The following APBB2 variants were observed in gnomAD, a reference collection of about 807,000 sequenced individuals.
The protein encoded by APBB2 is Fe65-like 1.
A neutral mutation model predicts 82.5 loss-of-function variants in APBB2; 38 were observed. The ratio of observed to expected loss-of-function variants is 0.46; its 90% CI spans 0.36 to 0.60. The LOEUF (loss-of-function observed/expected upper bound fraction) is 0.60. Among genes scored for constraint, APBB2 ranks in the 20% least tolerant of loss-of-function variants. The pLI, the probability that APBB2 is intolerant of heterozygous loss-of-function variation, is 0.00. For missense variants in APBB2, 772 were observed against 972.3 expected (o/e 0.79, Z 2.74); for synonymous variants, 341 against 368.2 (o/e 0.93, Z 0.85).
intron 10 of APBB2, among the ~76,000 whole-genome samples, chr4:40,911,414 G>T (rs1026235549): frequency 6.6e-6 from 1 of 152,168 alleles, no homozygotes; most frequent in Non-Finnish European, 1.5e-5. Flanking sequence ...CATACAATGT[G>T]TCAACCTTTA....
At chr4:40,935,192 G>GA in intron 7 of APBB2, 53 bp from the exon 8 acceptor site, 7 of 1,005,732 alleles carry the variant, frequency 7.0e-6, no homozygotes, top group Admixed American at 3.9e-5. Context: ...TAAAGAAAAA[G>GA]AAAAGAAAAG....
intron 2 of APBB2, among the ~76,000 whole-genome samples, chr4:41,136,362 T>G (rs1286132890): frequency 1.3e-5 from 2 of 152,224 alleles, no homozygotes; most frequent in East Asian, 3.8e-4. Flanking sequence ...GTTAAAAGTT[T>G]CATAACACCT....
At chr4:41,206,043 C>T (rs1209089904) in intron 1 of APBB2, among the ~76,000 whole-genome samples, 1 of 152,140 alleles carries the variant, frequency 6.6e-6, no homozygotes, top group Non-Finnish European at 1.5e-5. Context: ...TATCCCTCCA[C>T]AGTCACCATG....
At chr4:41,035,626 G>C (rs1448877538) in intron 4 of APBB2, among the ~76,000 whole-genome samples, 2 of 150,224 alleles carry the variant, frequency 1.3e-5, no homozygotes, top group Non-Finnish European at 1.5e-5. Flanking sequence ...ATACTAGTGT[G>C]AGCATTCTGA....
intron 3 of APBB2, among the ~76,000 whole-genome samples, chr4:41,079,662 C>T (rs1468461682): frequency 1.3e-5 from 2 of 151,886 alleles, no homozygotes; most frequent in East Asian, 3.9e-4. Context: ...GATTCTCCTG[C>T]CCCACCCTCC....
intron 12 of APBB2, among the ~76,000 whole-genome samples, chr4:40,884,637 C>T (rs1004902083): frequency 6.6e-6 from 1 of 152,220 alleles, no homozygotes; most frequent in Admixed American, 6.5e-5. Flanking sequence ...AAAAAAACAC[C>T]TGTAGTCCCA....
Position 41,014,131 on chromosome 4 carries a change from T to G in APBB2, c.287A>C (p.Asn96Thr). Reference protein sequence around the residue: ...AQPLLGNGSANIKLVKNGENQ... With the variant: ...AQPLLGNGSATIKLVKNGENQ... ...CTCCCCATTTTTCACCAGCTTGATG[T>G]TGGCAGAGCCATTTCCCAGCAGGGG... The change falls in exon 6 of 18, where the codon AAC becomes ACC. Residue 96 changes from asparagine (N) to threonine (T), a missense_variant. Coordinates refer to ENST00000508593, the MANE Select transcript of APBB2 (RefSeq NM_004307.2). 3.7e-6 allele frequency: 6 copies of G among 1,614,228 alleles called. No homozygotes were observed. Among genetic ancestry groups the G allele is most frequent in the Non-Finnish European group, 3.4e-6 (4 of 1,180,034 alleles).
At position 40,922,456 on chromosome 4, in the gene APBB2, T is replaced by C. The variant is rs148295801; in HGVS notation, c.1254+12000A>G. On this transcript the variant is annotated intron_variant, in intron 10 of 17. Coordinates refer to ENST00000508593, the MANE Select transcript of APBB2 (RefSeq NM_004307.2). ...TGGAAGGCTGACTACTGAAATGATT[T>C]TCTTATAAGCACGAGTCAGAAGCAG... 1.4e-3 allele frequency among the ~76,000 whole-genome samples: 210 copies of C among 152,320 alleles called. 2 individuals are homozygous for C. The highest frequency in any genetic ancestry group is 4.8e-3 in the African/African-American group (200 of 41,568).
At chr4:41,045,482 C>T (rs149629777) in intron 4 of APBB2, among the ~76,000 whole-genome samples, 237 of 151,992 alleles carry the variant, frequency 1.6e-3, no homozygotes, top group African/African-American at 5.5e-3. Context: ...TTAGTAGAGA[C>T]GGGGTTTCAC....
intron 3 of APBB2, among the ~76,000 whole-genome samples, chr4:41,080,260 G>A (rs1737119830): frequency 6.6e-6 from 1 of 152,172 alleles, no homozygotes; most frequent in Non-Finnish European, 1.5e-5. Flanking sequence ...CACTGAACCT[G>A]GGCAATTTAT....
chr4:40,924,829 AG>A (rs1782201143), intron 10 of APBB2, among the ~76,000 whole-genome samples: 1 of 152,264 alleles, frequency 6.6e-6, no homozygotes, highest in Admixed American at 6.5e-5. Flanking sequence ...CATAGCACGC[AG>A]GAACAGATAA....
chr4:41,050,317 C>T (rs1725473373), intron 4 of APBB2, among the ~76,000 whole-genome samples: 1 of 152,190 alleles, frequency 6.6e-6, no homozygotes, highest in African/African-American at 2.4e-5. Flanking sequence ...AATTCCTTCA[C>T]ATATGCTGCC....
rs185059884 is a variant in APBB2 at position 40,993,084 on chromosome 4, G to A, written c.835+20499C>T. On this transcript the variant is annotated intron_variant, in intron 6 of 17. Coordinates refer to ENST00000508593, the MANE Select transcript of APBB2 (RefSeq NM_004307.2). ...GCCCTTACTACATGGCAATCACTAC[G>A]TTCTGTGCCCCACATGTCTTGTTTC... is the stretch of plus-strand genomic sequence containing the variant. 1.9e-3 allele frequency among the ~76,000 whole-genome samples: 286 copies of A among 152,102 alleles called. 1 individual carries two copies. The highest frequency in any genetic ancestry group is 6.4e-3 in the African/African-American group (266 of 41,496).
intron 10 of APBB2, among the ~76,000 whole-genome samples, chr4:40,896,820 C>T (rs1484238699): frequency 6.6e-6 from 1 of 152,100 alleles, no homozygotes; most frequent in Non-Finnish European, 1.5e-5. Flanking sequence ...CTGGTGAATT[C>T]GGCTTCTGGC....
rs1386389411 is a variant in APBB2 at position 40,832,011 on chromosome 4, T to TACACACACACACAC, written c.1530-1435_1530-1434insGTGTGTGTGTGTGT. ...ACACACATATTTATATATTTATTTA[T>TACACACACACACAC]ATACACACACACACACACACACACA... On this transcript the variant is annotated intron_variant, in intron 12 of 17. Coordinates refer to ENST00000508593, the MANE Select transcript of APBB2 (RefSeq NM_004307.2). This position sits in a 1 kb window ranked among gnomAD's most constrained non-coding sequence, Gnocchi z 4.8. Among the ~76,000 whole-genome samples the TACACACACACACAC allele has an allele frequency of 3.2e-3, 160 of 49,566 alleles. 1 individual carries two copies. Among genetic ancestry groups the TACACACACACACAC allele is most frequent in the Middle Eastern group, 0.031 (3 of 96 alleles). The allele number at this position is 49,566 out of a possible 152,430, so 32.5% of individuals were successfully genotyped here.
Position 41,024,805 on chromosome 4 carries a change from C to T in APBB2, c.19+8431G>A, listed in dbSNP as rs140879609. ...CAGGCCTGGGCTGCAGCCATCTGGG[C>T]GCCATAGTGAAGGTTAAGAGATAAG... On this transcript the variant is annotated intron_variant, in intron 5 of 17. Coordinates refer to ENST00000508593, the MANE Select transcript of APBB2 (RefSeq NM_004307.2). 2.9e-3 allele frequency among the ~76,000 whole-genome samples: 442 copies of T among 152,302 alleles called. 3 individuals are homozygous for T. Among genetic ancestry groups the T allele is most frequent in the Admixed American group, 0.012 (177 of 15,308 alleles).
At chr4:41,173,736 G>A (rs1360620217) in intron 1 of APBB2, among the ~76,000 whole-genome samples, 2 of 152,254 alleles carry the variant, frequency 1.3e-5, no homozygotes, top group Middle Eastern at 3.4e-3. Context: ...CATAACCTAG[G>A]AGCAATAGGC....
chr4:40,857,108 G>C (rs1761471538), intron 12 of APBB2: 3 of 985,482 alleles, frequency 3.0e-6, no homozygotes, highest in Non-Finnish European at 3.6e-6. Context: ...GCACCAGCCA[G>C]CGGTGCCGTC....
intron 5 of APBB2, among the ~76,000 whole-genome samples, chr4:41,024,925 T>A (rs1219584779): frequency 6.6e-6 from 1 of 152,234 alleles, no homozygotes; most frequent in Non-Finnish European, 1.5e-5. Flanking sequence ...TGTCACAATT[T>A]AATTAACTCC....
Sources: gnomAD v4.1 joint callset for allele counts (sites outside exome capture counted in the v4.1 genomes callset) on GRCh38, gnomAD v4.1.1 for gene constraint, Gnocchi (gnomAD v3.1) non-coding constraint, MANE v1.5 for transcripts, NCBI Gene and HGNC (gene_info 2026-07-23, HGNC 2026-07-21) for gene names.